Variants in BTAF1 observed in about 807,000 individuals in gnomAD.
The protein encoded by BTAF1 is B-TFIID TATA-box binding protein associated factor 1.
Under a neutral mutation model 227.1 loss-of-function variants are expected in BTAF1, and 38 were observed. The observed-to-expected ratio is 0.17, with a 90% CI of 0.13 to 0.22. The LOEUF (loss-of-function observed/expected upper bound fraction) is 0.22. BTAF1 is among the 10% of genes least tolerant of loss of function. BTAF1 has a pLI of 1.00. For missense variants in BTAF1, 1,598 were observed against 2,204.0 expected, an observed-to-expected ratio of 0.73 and a Z score of 5.51; for synonymous variants, 742 against 751.9, an observed-to-expected ratio of 0.99 and a Z score of 0.21.
chr10:91,967,859 A>G (rs10786027), intron 14 of BTAF1, among the ~76,000 whole-genome samples: 90,217 of 152,082 alleles, frequency 0.59, 30,491 homozygotes, highest in East Asian at 0.77. Context: ...TCTTCATATC[A>G]TTCTTTTTGT....
chr10:91,994,690 G>C (rs752550848), intron 23 of BTAF1, 46 bp downstream of exon 23: 1 of 1,493,264 alleles, frequency 6.7e-7, no homozygotes, highest in Non-Finnish European at 9.3e-7. Context: ...TAAAACAAGT[G>C]GTCTTATTAA....
chr10:92,030,775 G>C lies in BTAF1; in HGVS notation c.*1842G>C, dbSNP rs993305662. 1.3e-5 allele frequency among the ~76,000 whole-genome samples: 2 copies of C among 152,146 alleles called. No individual in the cohort carries two copies. The highest frequency in any genetic ancestry group is 2.9e-5 in the Non-Finnish European group (2 of 68,006). ...GGGAAACAGGAGTCAGAGCTGACAG[G>C]AAAACTTAGAGTGGCTATAACATTT... On this transcript the variant is annotated 3_prime_UTR_variant, in exon 38 of 38. Coordinates refer to ENST00000265990, the MANE Select transcript of BTAF1 (RefSeq NM_003972.3).
At position 91,966,678 on chromosome 10, in the gene BTAF1, C is replaced by T; in HGVS notation, c.1571C>T (p.Pro524Leu). 6.2e-7 allele frequency: 1 copy of T among 1,613,816 alleles called. No homozygotes were observed. The highest frequency in any genetic ancestry group is 8.5e-7 in the Non-Finnish European group (1 of 1,179,890). Residue 524 changes from proline to leucine, a missense_variant, in exon 14 of 38, where the codon CCT (proline) becomes CTT (leucine). Pro to Leu is a moderately conservative substitution (Grantham distance 98, BLOSUM62 -3). This residue lies in a region of BTAF1 where 318 missense variants were observed against 435.0 expected (regional missense o/e 0.73). Transcript: ENST00000265990. ...ACAGTTTTAGTTCCACGTGTCTGGCCTTTTTTGCATCACACTATATCATCA... is the reference window on the plus strand; with the variant it reads ...ACAGTTTTAGTTCCACGTGTCTGGCTTTTTTTGCATCACACTATATCATCA... The part of the protein sequence containing the change: ...SLTVLVPRVW[P>L]FLHHTISSVR...
intron 4 of BTAF1, among the ~76,000 whole-genome samples, chr10:91,945,937 C>T (rs1845334197): frequency 1.3e-5 from 2 of 152,184 alleles, no homozygotes; most frequent in South Asian, 2.1e-4. Context: ...TACATCCTTG[C>T]CAACTCTTGT....
intron 13 of BTAF1, among the ~76,000 whole-genome samples, chr10:91,966,395 G>A (rs528477041): frequency 6.6e-6 from 1 of 152,280 alleles, no homozygotes; most frequent in Admixed American, 6.5e-5. Flanking sequence ...AGAACCTGAT[G>A]TTAGTATTTC....
rs113481475 is a variant in BTAF1 at position 91,935,645 on chromosome 10, T to A, written c.15-12T>A. ...GCATTTGAGAATAACCATTGTATTT[T>A]TGTTATTTCAGGCTAGATCGCCTTT... On this transcript the variant is annotated splice_polypyrimidine_tract_variant and intron_variant, in intron 1 of 37. Coordinates refer to ENST00000265990, the MANE Select transcript of BTAF1 (RefSeq NM_003972.3). 6.7e-4 allele frequency: 1,087 copies of A among 1,610,728 alleles called. 17 individuals carry two copies. In the African/African-American group the frequency reaches 0.013, roughly 19 times the overall value.
At chr10:92,015,014 C>T (rs1318131370) in intron 32 of BTAF1, among the ~76,000 whole-genome samples, 10 of 152,162 alleles carry the variant, frequency 6.6e-5, no homozygotes, top group African/African-American at 2.2e-4. Flanking sequence ...CCATTGTTGA[C>T]CTCAATGTCC....
chr10:91,924,509 CTAAT>C (rs1564647768), intron 1 of BTAF1, among the ~76,000 whole-genome samples: 5 of 152,184 alleles, frequency 3.3e-5, no homozygotes, highest in African/African-American at 1.2e-4. Context: ...AAGAGACCGT[CTAAT>C]TATGTTACCA....
At position 91,939,532 on chromosome 10, in the gene BTAF1, G is replaced by A. The variant is rs527704910; in HGVS notation, c.139-420G>A. 5.4e-4 allele frequency among the ~76,000 whole-genome samples: 82 copies of A among 152,176 alleles called. 1 individual carries two copies. Among genetic ancestry groups the A allele is most frequent in the African/African-American group, 1.8e-3 (76 of 41,518 alleles). On this transcript the variant is annotated intron_variant, in intron 2 of 37. Coordinates refer to ENST00000265990, the MANE Select transcript of BTAF1 (RefSeq NM_003972.3). The stretch of plus-strand genomic sequence containing the variant: ...CGGCTCACTGCAACCTCTGCCTCCC[G>A]GGTTCAAGTGATTCTCCTGTCTCAG...
chr10:91,995,913 C>G (rs1849117351), intron 23 of BTAF1, among the ~76,000 whole-genome samples: 1 of 152,130 alleles, frequency 6.6e-6, no homozygotes, highest in Admixed American at 6.5e-5. Context: ...ACGATACCTA[C>G]CAAAGTATGG....
At chr10:91,980,386 T>C in intron 14 of BTAF1, 68 bp from the exon 15 acceptor site, 5 of 1,159,436 alleles carry the variant, frequency 4.3e-6, no homozygotes, top group Non-Finnish European at 6.4e-6. Flanking sequence ...ATTTGACATA[T>C]AATTCTTCAG....
Position 91,959,131 on chromosome 10 carries a change from A to G in BTAF1, c.967A>G (p.Met323Val), listed in dbSNP as rs747481413. 8 of 1,613,986 alleles carry G rather than the reference A, an allele frequency of 5.0e-6. No individual in the cohort carries two copies. The Admixed American group carries it at 6.7e-5, about 13-fold the overall frequency. Reference sequence around the variant, plus strand: ...AGCTCATGGGAAAAGTGGTGGTAAAATGGGTGACAGCACTTTAGAAGAGGT... The same window carrying G: ...AGCTCATGGGAAAAGTGGTGGTAAAGTGGGTGACAGCACTTTAGAAGAGGT... ...LKAHGKSGGK[M>V]GDSTLEEMIQ... The change falls in exon 9 of 38, where the codon ATG becomes GTG. Residue 323 changes from methionine to valine, a missense_variant. Coordinates refer to ENST00000265990, the MANE Select transcript of BTAF1 (RefSeq NM_003972.3).
At chr10:91,943,959 T>A (rs1018102356) in intron 4 of BTAF1, among the ~76,000 whole-genome samples, 1 of 152,244 alleles carries the variant, frequency 6.6e-6, no homozygotes, top group East Asian at 1.9e-4. Context: ...GAGACCAGCC[T>A]GGCCAACATG....
At chr10:91,967,964 C>T (rs1847039225) in intron 14 of BTAF1, among the ~76,000 whole-genome samples, 1 of 152,162 alleles carries the variant, frequency 6.6e-6, no homozygotes, top group Non-Finnish European at 1.5e-5. Context: ...ATCCCTCCTA[C>T]TACCCACACA....
Position 92,008,219 on chromosome 10 carries a change from T to C in BTAF1, c.3757T>C (p.Leu1253=). 6.3e-7 allele frequency: 1 copy of C among 1,598,170 alleles called. No individual in the cohort carries two copies. Among genetic ancestry groups the C allele is most frequent in the Admixed American group, 1.8e-5 (1 of 54,270 alleles). ...FLEQLLDGKK[L]ENYKIPVPIN... Reference sequence around the variant, plus strand: ...GGAGCAATTGTTAGATGGGAAAAAATTGGAAAATTATAAAATTCCAGTACC... The same window carrying C: ...GGAGCAATTGTTAGATGGGAAAAAACTGGAAAATTATAAAATTCCAGTACC... The change falls in exon 26 of 38, where the codon TTG becomes CTG. Residue 1253 remains leucine (L), a synonymous_variant. Transcript: ENST00000265990.
At position 91,951,440 on chromosome 10, in the gene BTAF1, A is replaced by G. The variant is rs1292456336; in HGVS notation, c.438A>G (p.Arg146=). ...CTAAAGAGAGGATAGCACGCCAACG[A>G]AAATTATTACAGAAGAAACTTGGCC... The part of the protein sequence containing the change: ...VDPKERIARQ[R]KLLQKKLGLN... The change falls in exon 5 of 38, where the codon CGA becomes CGG. Residue 146 remains arginine, a synonymous_variant. Coordinates refer to ENST00000265990, the MANE Select transcript of BTAF1 (RefSeq NM_003972.3). The G allele has an allele frequency of 6.2e-7, 1 of 1,612,812 alleles. No individual in the cohort carries two copies. Among genetic ancestry groups the G allele is most frequent in the South Asian group, 1.1e-5 (1 of 90,614 alleles).
intron 23 of BTAF1, 107 bp downstream of exon 23, chr10:91,994,751 C>A: frequency 1.1e-6 from 1 of 913,822 alleles, no homozygotes; most frequent in Non-Finnish European, 1.7e-6. Context: ...TTATTAATTG[C>A]ATTTTTCTTT....
At chr10:91,969,723 G>A (rs1173324520) in intron 14 of BTAF1, among the ~76,000 whole-genome samples, 1 of 152,182 alleles carries the variant, frequency 6.6e-6, no homozygotes, top group East Asian at 1.9e-4. Flanking sequence ...CAGCACTTTG[G>A]GAGGCTGAGG....
At chr10:91,924,396 C>G (rs757180382) in intron 1 of BTAF1, among the ~76,000 whole-genome samples, 7 of 152,174 alleles carry the variant, frequency 4.6e-5, no homozygotes, top group Non-Finnish European at 8.8e-5. Context: ...CTAGGGGAGT[C>G]TCTTATCTTT....
Sources: allele counts gnomAD v4.1 joint callset (sites outside exome capture counted in the v4.1 genomes callset), GRCh38; gene constraint gnomAD v4.1.1; regional missense constraint gnomAD v4.1.1; transcripts MANE v1.5; gene names NCBI Gene and HGNC (gene_info 2026-07-23, HGNC 2026-07-21).